Variants in MARCHF3 observed in about 807,000 individuals in gnomAD.
MARCHF3 encodes membrane associated ring-CH-type finger 3, also known as E3 ubiquitin-protein ligase MARCHF3.
MARCHF3 carries 13 observed loss-of-function variants against 24.2 expected under a neutral mutation model. The observed-to-expected ratio is 0.54, with a 90% CI of 0.35 to 0.85. MARCHF3 has a LOEUF of 0.85. MARCHF3 is among the 40% of genes least tolerant of loss of function. The probability of loss-of-function intolerance (pLI) is 0.01; values close to 1 mark genes in which losing one functional copy is unlikely to be tolerated. For synonymous variants in MARCHF3, 144 were observed against 137.3 expected (o/e 1.05, Z -0.34); for missense variants, 276 against 325.0 (o/e 0.85, Z 1.16).
intron 1 of MARCHF3, among the ~76,000 whole-genome samples, chr5:126,966,578 T>A (rs1561450581): frequency 6.6e-6 from 1 of 152,164 alleles, no homozygotes; most frequent in Non-Finnish European, 1.5e-5. Context: ...TAAGGATTTT[T>A]AAACCATCTT....
chr5:126,929,294 C>CA (rs1457090450), intron 1 of MARCHF3, among the ~76,000 whole-genome samples: 5 of 152,332 alleles, frequency 3.3e-5, no homozygotes, highest in Non-Finnish European at 5.9e-5. Flanking sequence ...GTTCAACTCT[C>CA]AGGCAATACT....
At chr5:126,924,188 C>T (rs1034512951) in intron 1 of MARCHF3, among the ~76,000 whole-genome samples, 4 of 152,302 alleles carry the variant, frequency 2.6e-5, no homozygotes, top group Non-Finnish European at 5.9e-5. Context: ...GGACCCACAC[C>T]GAAGAACTGA....
At chr5:126,935,578 A>T (rs1202235537) in intron 1 of MARCHF3, among the ~76,000 whole-genome samples, 2 of 151,398 alleles carry the variant, frequency 1.3e-5, no homozygotes, top group African/African-American at 2.4e-5. Flanking sequence ...GAGCCAATCT[A>T]AAAAGTACGA....
chr5:126,985,466 C>CT (rs1561459771), intron 1 of MARCHF3, among the ~76,000 whole-genome samples: 10 of 146,770 alleles, frequency 6.8e-5, no homozygotes, highest in South Asian at 6.7e-4. Flanking sequence ...TCTGGATGAA[C>CT]TTTTATTTTT....
At chr5:126,981,406 C>A (rs1296437311) in intron 1 of MARCHF3, among the ~76,000 whole-genome samples, 1 of 152,200 alleles carries the variant, frequency 6.6e-6, no homozygotes, top group Admixed American at 6.5e-5. Flanking sequence ...ACCACACAAC[C>A]TCAGAGGCTT....
At chr5:126,922,089 A>T (rs2126797952) in intron 1 of MARCHF3, among the ~76,000 whole-genome samples, 1 of 152,366 alleles carries the variant, frequency 6.6e-6, no homozygotes, top group Non-Finnish European at 1.5e-5. Flanking sequence ...TTCCATGGGA[A>T]CATGGCTGGC....
chr5:126,967,596 G>A (rs573313355), intron 1 of MARCHF3, among the ~76,000 whole-genome samples: 56 of 152,308 alleles, frequency 3.7e-4, no homozygotes, highest in South Asian at 2.9e-3. Flanking sequence ...GGGAGGCTGA[G>A]GCAGGAGAAT....
At chr5:126,999,479 G>T (rs1752054088) in intron 1 of MARCHF3, among the ~76,000 whole-genome samples, 1 of 152,024 alleles carries the variant, frequency 6.6e-6, no homozygotes, top group Admixed American at 6.6e-5. Context: ...GTTCTCTCAG[G>T]CTACTCTCTC....
At chr5:126,923,281 A>G (rs187136054) in intron 1 of MARCHF3, among the ~76,000 whole-genome samples, 8 of 152,242 alleles carry the variant, frequency 5.3e-5, no homozygotes, top group African/African-American at 9.6e-5. Flanking sequence ...AATACACTAG[A>G]AAATAAAACA....
chr5:126,950,466 A>T (rs1484268000), intron 1 of MARCHF3, among the ~76,000 whole-genome samples: 1 of 152,086 alleles, frequency 6.6e-6, no homozygotes, highest in Non-Finnish European at 1.5e-5. Flanking sequence ...CATGGAGAAA[A>T]GTGGAAGAAT....
chr5:126,898,814 T>C (rs1399215870), intron 3 of MARCHF3: 2 of 973,812 alleles, frequency 2.1e-6, no homozygotes, highest in African/African-American at 3.5e-5. Flanking sequence ...TATTCCAACT[T>C]TCTATTTATA....
intron 1 of MARCHF3, among the ~76,000 whole-genome samples, chr5:126,991,101 A>G (rs1751742682): frequency 2.0e-5 from 3 of 152,206 alleles, no homozygotes; most frequent in Non-Finnish European, 4.4e-5. Context: ...ATGTACATGT[A>G]TGTTTATTGC....
intron 1 of MARCHF3, among the ~76,000 whole-genome samples, chr5:126,973,879 ATTTTTTTTTTTTT>A (rs10585434): frequency 2.6e-3 from 217 of 82,986 alleles, no homozygotes; most frequent in African/African-American, 8.8e-3. Context: ...AGCAAAATCT[ATTTTTTTTTTTTT>A]TTTTTTTTTT....
chr5:126,988,944 T>A (rs1329544792), intron 1 of MARCHF3, among the ~76,000 whole-genome samples: 2 of 152,186 alleles, frequency 1.3e-5, no homozygotes, highest in African/African-American at 4.8e-5. Context: ...TTCAAAAATA[T>A]CCTCTCATGG....
At chr5:126,914,753 A>T in intron 3 of MARCHF3, 177 bp downstream of exon 3, 2 of 545,738 alleles carry the variant, frequency 3.7e-6, no homozygotes, top group South Asian at 4.1e-5. Flanking sequence ...GTCTGTCTAC[A>T]TCTCTCTTTC....
At chr5:126,899,058 T>TA in intron 3 of MARCHF3, 2 of 985,318 alleles carry the variant, frequency 2.0e-6, no homozygotes, top group African/African-American at 1.7e-5. Flanking sequence ...CATCACAGTG[T>TA]AAATCTATCC....
intron 1 of MARCHF3, among the ~76,000 whole-genome samples, chr5:127,014,262 C>T (rs1409346098): frequency 1.3e-5 from 2 of 152,088 alleles, no homozygotes; most frequent in African/African-American, 2.4e-5. Context: ...TGCTCAGCAT[C>T]GCTGATAGAG....
At chr5:126,899,379 TG>T in intron 3 of MARCHF3, 1 of 870,484 alleles carries the variant, frequency 1.1e-6, no homozygotes, top group Non-Finnish European at 1.4e-6. Flanking sequence ...TGAATTATCT[TG>T]ATGGTAGTTT....
intron 3 of MARCHF3, among the ~76,000 whole-genome samples, chr5:126,912,726 C>T (rs1259700628): frequency 6.6e-6 from 1 of 152,200 alleles, no homozygotes; most frequent in Non-Finnish European, 1.5e-5. Context: ...CATTTGTCCT[C>T]CAGCTGAGAA....
Sources: gnomAD v4.1 joint callset for allele counts (sites outside exome capture counted in the v4.1 genomes callset) on GRCh38, gnomAD v4.1.1 for gene constraint, MANE v1.5 for transcripts, NCBI Gene and HGNC (gene_info 2026-07-23, HGNC 2026-07-21) for gene names.